UMAD1: variants seen among roughly 807,000 people sequenced by gnomAD.
UMAD1 encodes the protein UBAP1-MVB12-associated (UMA) domain containing 1, also known as UBAP1-MVB12-associated (UMA)-domain containing protein 1.
UMAD1 carries 8 observed loss-of-function variants against 6.1 expected under a neutral mutation model. That is an observed-to-expected ratio of 1.30 (90% CI 0.76 to 2.35). UMAD1 has a LOEUF of 2.35. Among genes scored for constraint, UMAD1 ranks in the 30% most tolerant of loss-of-function variants. The probability of loss-of-function intolerance (pLI) is 0.00; values close to 1 mark genes in which losing one functional copy is unlikely to be tolerated. For synonymous variants in UMAD1, 56 were observed against 31.4 expected (o/e 1.78, Z -2.61); for missense variants, 130 against 78.4 (o/e 1.66, Z -2.49).
At chr7:7,748,418 T>C (rs1445686578) in intron 2 of UMAD1, among the ~76,000 whole-genome samples, 6 of 152,152 alleles carry the variant, frequency 3.9e-5, no homozygotes, top group Admixed American at 6.5e-5. Context: ...TATGGTAGAC[T>C]AACAGTGATA....
intron 3 of UMAD1, among the ~76,000 whole-genome samples, chr7:7,826,975 G>A (rs77335114): frequency 0.07 from 10,612 of 152,022 alleles, 676 homozygotes; most frequent in African/African-American, 0.17. Context: ...TCCATAAGAT[G>A]CAGTTACTTT....
intron 2 of UMAD1, among the ~76,000 whole-genome samples, chr7:7,688,038 T>C (rs924022784): frequency 2.0e-5 from 3 of 152,184 alleles, no homozygotes; most frequent in Non-Finnish European, 4.4e-5. Context: ...TCCCTGTTGC[T>C]GTTGCTATGT....
intron 3 of UMAD1, among the ~76,000 whole-genome samples, chr7:7,820,966 G>C (rs2115295780): frequency 6.6e-6 from 1 of 152,232 alleles, no homozygotes; most frequent in East Asian, 1.9e-4. Flanking sequence ...AAAGTAACCA[G>C]GAAAACAGTA....
intron 2 of UMAD1, among the ~76,000 whole-genome samples, chr7:7,696,416 TA>T (rs925048564): frequency 6.6e-6 from 1 of 152,052 alleles, no homozygotes; most frequent in African/African-American, 2.4e-5. Flanking sequence ...TAATTTTCTA[TA>T]AAAAAATACT....
chr7:7,767,689 T>C (rs1023389540), intron 2 of UMAD1, among the ~76,000 whole-genome samples: 2 of 152,208 alleles, frequency 1.3e-5, no homozygotes, highest in Admixed American at 1.3e-4. Flanking sequence ...TTGAAGAGCC[T>C]TGTTTATATT....
At chr7:7,844,170 C>G (rs1021036661) in intron 3 of UMAD1, among the ~76,000 whole-genome samples, 1 of 152,176 alleles carries the variant, frequency 6.6e-6, no homozygotes, top group Non-Finnish European at 1.5e-5. Flanking sequence ...AAGAGGCTGG[C>G]ACAGCATTTC....
chr7:7,753,019 G>A (rs1240239199), intron 2 of UMAD1, among the ~76,000 whole-genome samples: 1 of 152,036 alleles, frequency 6.6e-6, no homozygotes, highest in Non-Finnish European at 1.5e-5. Flanking sequence ...ATTCCAGAAG[G>A]CATAAAGTGA....
At chr7:7,694,184 A>G (rs1019654307) in intron 2 of UMAD1, among the ~76,000 whole-genome samples, 1 of 152,144 alleles carries the variant, frequency 6.6e-6, no homozygotes, top group Admixed American at 6.5e-5. Context: ...TTTTCTCCTC[A>G]TGACTAGTGA....
intron 2 of UMAD1, among the ~76,000 whole-genome samples, chr7:7,697,504 T>C (rs562309518): frequency 5.3e-5 from 8 of 152,354 alleles, no homozygotes; most frequent in African/African-American, 1.9e-4. Context: ...TTTTGAAATA[T>C]GATTGTGGCT....
intron 3 of UMAD1, among the ~76,000 whole-genome samples, chr7:7,821,132 G>C (rs570125767): frequency 1.3e-5 from 2 of 152,150 alleles, no homozygotes. Context: ...CTTGAGATCT[G>C]ACTCGCAGGA....
At chr7:7,798,430 C>G (rs954372063) in intron 2 of UMAD1, among the ~76,000 whole-genome samples, 1 of 152,084 alleles carries the variant, frequency 6.6e-6, no homozygotes, top group African/African-American at 2.4e-5. Context: ...TAAAAACTTC[C>G]TGAAAAATAT....
At chr7:7,845,315 G>C (rs1439921196) in intron 3 of UMAD1, among the ~76,000 whole-genome samples, 1 of 151,824 alleles carries the variant, frequency 6.6e-6, no homozygotes, top group East Asian at 1.9e-4. Context: ...AATTACATAT[G>C]TAGTTCTTAT....
chr7:7,806,748 A>G (rs1023398463), intron 3 of UMAD1, among the ~76,000 whole-genome samples: 2 of 152,168 alleles, frequency 1.3e-5, no homozygotes, highest in African/African-American at 4.8e-5. Context: ...CTTTAAATAT[A>G]TATATACATC....
intron 2 of UMAD1, among the ~76,000 whole-genome samples, chr7:7,716,258 A>G (rs910467352): frequency 1.3e-5 from 2 of 152,226 alleles, no homozygotes; most frequent in Admixed American, 6.5e-5. Flanking sequence ...ATTCGATATT[A>G]TTACAACATG....
chr7:7,731,600 G>T (rs954044340), intron 2 of UMAD1, among the ~76,000 whole-genome samples: 1 of 151,354 alleles, frequency 6.6e-6, no homozygotes, highest in East Asian at 1.9e-4. Context: ...AAGTTAATTC[G>T]CTTATGGTAA....
chr7:7,683,911 C>T (rs910388269), intron 2 of UMAD1, among the ~76,000 whole-genome samples: 80 of 152,236 alleles, frequency 5.3e-4, no homozygotes, highest in African/African-American at 1.7e-3. Flanking sequence ...GCGTGAGCCA[C>T]TGCTTCCAGC....
intron 2 of UMAD1, among the ~76,000 whole-genome samples, chr7:7,730,526 C>T (rs1481788743): frequency 2.0e-5 from 3 of 152,144 alleles, no homozygotes; most frequent in Non-Finnish European, 4.4e-5. Context: ...TTCATACTTG[C>T]CTAGTTCATT....
intron 3 of UMAD1, among the ~76,000 whole-genome samples, chr7:7,851,445 A>T (rs1421849635): frequency 2.0e-5 from 3 of 152,144 alleles, no homozygotes; most frequent in Non-Finnish European, 2.9e-5. Flanking sequence ...ACTGGGTCTT[A>T]TGTAACTCTG....
intron 3 of UMAD1, among the ~76,000 whole-genome samples, chr7:7,826,602 A>G (rs1783346643): frequency 6.6e-6 from 1 of 152,078 alleles, no homozygotes; most frequent in Non-Finnish European, 1.5e-5. Flanking sequence ...TGTTTATTAG[A>G]TGTGTGATTT....
Sources: gnomAD v4.1 joint callset for allele counts (sites outside exome capture counted in the v4.1 genomes callset) on GRCh38, gnomAD v4.1.1 for gene constraint, MANE v1.5 for transcripts, NCBI Gene and HGNC (gene_info 2026-07-23, HGNC 2026-07-21) for gene names.